BTBD3: variants seen among roughly 807,000 people sequenced by gnomAD.
BTBD3 encodes the protein BTB domain containing 3.
In BTBD3, 14 loss-of-function variants were observed where a neutral mutation model predicts 41.6. That is an observed-to-expected ratio of 0.34 (90% CI 0.22 to 0.53). The LOEUF (loss-of-function observed/expected upper bound fraction) is 0.53, where lower values mean the gene tolerates loss of function less well. Ranked by LOEUF, BTBD3 falls within the 20% of genes least tolerant of loss-of-function variation. BTBD3 has a pLI of 0.95. For missense variants in BTBD3, 426 were observed against 654.7 expected, an observed-to-expected ratio of 0.65 and a Z score of 3.81; for synonymous variants, 249 against 233.7, an observed-to-expected ratio of 1.07 and a Z score of -0.60.
rs1254120661 is a variant in BTBD3, at chr20:11,918,128, G to T, written c.-148G>T. On this transcript the variant is annotated 5_prime_UTR_variant, in exon 1 of 4. Coordinates refer to ENST00000378226, the MANE Select transcript of BTBD3 (RefSeq NM_014962.4). ...TTAAAGCCAGTTTCTATTCAACATA[G>T]TGAAAAGGTCACCTTGCCTGGCTGA... 5.4e-6 allele frequency: 8 copies of T among 1,477,716 alleles called. No individual in the cohort carries two copies. The highest frequency in any genetic ancestry group is 2.5e-4 in the Middle Eastern group (1 of 3,974). The allele number at this position is 1,477,716 out of a possible 1,614,324, so 91.5% of individuals were successfully genotyped here. A position where few individuals can be genotyped will look rare whatever the true frequency, so the allele number is the denominator to read the frequency against.
In BTBD3 at chr20:11,918,113, T is replaced by G. The variant is rs963348793; in HGVS notation, c.-163T>G. 68 of 1,458,540 alleles carry G rather than the reference T, an allele frequency of 4.7e-5. No individual in the cohort carries two copies. The African/African-American group carries it at 7.9e-4, about 17-fold the overall frequency. 90.3% of individuals were successfully genotyped at this position (1,458,540 alleles called of 1,614,324 possible). On this transcript the variant is annotated 5_prime_UTR_variant, in exon 1 of 4. Transcript: ENST00000378226. ...AGTACTGGATAAAACTTAAAGCCAG[T>G]TTCTATTCAACATAGTGAAAAGGTC...
At chr20:11,904,023 A>G (rs1017552591) in intron 1 of BTBD3, among the ~76,000 whole-genome samples, 10 of 152,178 alleles carry the variant, frequency 6.6e-5, no homozygotes, top group African/African-American at 2.4e-4. Context: ...TTTCTAGGAG[A>G]ATGAAAGGGA....
chr20:11,898,250 A>G (rs571954347), intron 1 of BTBD3, among the ~76,000 whole-genome samples: 10 of 152,140 alleles, frequency 6.6e-5, no homozygotes, highest in Non-Finnish European at 1.2e-4. Flanking sequence ...CCCACTCGGC[A>G]CTTTCCATTC....
At chr20:11,890,832 T>TGCGGGTGCCC in exon 1 of BTBD3, 2 of 984,852 alleles carry the variant, frequency 2.0e-6, no homozygotes, top group Non-Finnish European at 2.4e-6. Flanking sequence ...GTGCCCTGCG[T>TGCGGGTGCCC]GCGGGTGCCC....
chr20:11,918,468 G>C lies in BTBD3; in HGVS notation c.193G>C (p.Asp65His). 1 of 1,614,158 alleles carries C rather than the reference G, an allele frequency of 6.2e-7. No individual in the cohort carries two copies. The highest frequency in any genetic ancestry group is 2.2e-5 in the East Asian group (1 of 44,882). The change falls in exon 1 of 4, where the codon GAT becomes CAT. Residue 65 changes from aspartate (D) to histidine (H), a missense_variant. This residue lies in a region of BTBD3 where 52 missense variants were observed against 45.1 expected (regional missense o/e 1.15). Coordinates refer to ENST00000378226, the MANE Select transcript of BTBD3 (RefSeq NM_014962.4). ...GACTAAAAAGAAGAAGATGGCTGCTGATATATTCCCCCGTAAAAAGCCAGC... is the reference window on the plus strand; with the variant it reads ...GACTAAAAAGAAGAAGATGGCTGCTCATATATTCCCCCGTAAAAAGCCAGC... Reference protein sequence around the residue: ...LKTKKKKMAADIFPRKKPANS... With the variant: ...LKTKKKKMAAHIFPRKKPANS...
intron 1 of BTBD3, among the ~76,000 whole-genome samples, chr20:11,905,937 A>G (rs2056850755): frequency 6.6e-6 from 1 of 152,176 alleles, no homozygotes; most frequent in Non-Finnish European, 1.5e-5. Context: ...AAAAGGCTTC[A>G]TACTTTTAAG....
rs143306736 is a variant in BTBD3, at chr20:11,925,255, G to C, written c.*1589G>C. 860 of 152,840 alleles carry C rather than the reference G, an allele frequency of 5.6e-3. 2 individuals carry two copies. Among genetic ancestry groups the C allele is most frequent in the Non-Finnish European group, 8.4e-3 (573 of 68,100 alleles). The allele number at this position is 152,840 out of a possible 1,614,324, so 9.5% of individuals were successfully genotyped here. On this transcript the variant is annotated 3_prime_UTR_variant, in exon 4 of 4. Transcript: ENST00000378226. Reference sequence around the variant, plus strand: ...AAGTGTGTTTGCCAGCTCAGGAGCTGTCTCCTCTCTACCTGGCTAGTAAGA... The same window carrying C: ...AAGTGTGTTTGCCAGCTCAGGAGCTCTCTCCTCTCTACCTGGCTAGTAAGA...
intron 1 of BTBD3, among the ~76,000 whole-genome samples, chr20:11,901,065 A>G (rs1169337044): frequency 1.3e-5 from 2 of 152,160 alleles, no homozygotes; most frequent in Non-Finnish European, 2.9e-5. Flanking sequence ...ATTCCTAGAA[A>G]ACCTGGAAAT....
At chr20:11,891,884 T>G (rs1379133824) in intron 1 of BTBD3, among the ~76,000 whole-genome samples, 1 of 152,078 alleles carries the variant, frequency 6.6e-6, no homozygotes, top group African/African-American at 2.4e-5. Flanking sequence ...TGTAATACAG[T>G]TTCCCCAAAC....
intron 1 of BTBD3, among the ~76,000 whole-genome samples, chr20:11,899,797 G>A (rs1471780701): frequency 6.6e-6 from 1 of 152,004 alleles, no homozygotes; most frequent in African/African-American, 2.4e-5. Flanking sequence ...GATTTTTACT[G>A]TTGCAATTTA....
chr20:11,921,499 TC>T (rs1445882344), intron 3 of BTBD3: 1 of 152,138 alleles, frequency 6.6e-6, no homozygotes, highest in Non-Finnish European at 1.5e-5. Context: ...CCTTGACAGT[TC>T]CAGGGTAAGA....
intron 1 of BTBD3, 58 bp from the exon 2 acceptor site, chr20:11,919,028 G>A: frequency 7.7e-7 from 1 of 1,300,144 alleles, no homozygotes; most frequent in South Asian, 1.3e-5. Flanking sequence ...TGTATGTTGG[G>A]GAAGGGGATG....
intron 1 of BTBD3, among the ~76,000 whole-genome samples, chr20:11,894,509 G>GT (rs571712640): frequency 7.1e-4 from 107 of 151,508 alleles, no homozygotes; most frequent in African/African-American, 2.4e-3. Context: ...TTGATCATCT[G>GT]TTTTTTTTCT....
chr20:11,895,697 A>G (rs573652012), intron 1 of BTBD3, among the ~76,000 whole-genome samples: 6 of 152,310 alleles, frequency 3.9e-5, no homozygotes, highest in African/African-American at 1.4e-4. Context: ...GCTAGGTTCT[A>G]GGATTGTCTG....
chr20:11,922,819 C>G lies in BTBD3; in HGVS notation c.722C>G (p.Thr241Ser), dbSNP rs2056982579. 1 of 1,614,212 alleles carries G rather than the reference C, an allele frequency of 6.2e-7. No homozygotes were observed. Residue 241 changes from threonine (T) to serine (S), a missense_variant, in exon 4 of 4, where the codon ACC (threonine) becomes AGC (serine). By Grantham distance (58) the Thr-to-Ser change is moderately conservative. This residue lies in a region of BTBD3 where 321 missense variants were observed against 534.8 expected (regional missense o/e 0.60). Coordinates refer to ENST00000378226, the MANE Select transcript of BTBD3 (RefSeq NM_014962.4). ...TGCCTGTTCGAGGAGCCAGACCTGA[C>G]CCAGCGTTGCTGGGAGGTGATTGAT... ...QSCLFEEPDL[T>S]QRCWEVIDAQ...
At chr20:11,902,809 G>A (rs2056831657) in intron 1 of BTBD3, among the ~76,000 whole-genome samples, 1 of 152,022 alleles carries the variant, frequency 6.6e-6, no homozygotes, top group African/African-American at 2.4e-5. Flanking sequence ...CATAAATTTT[G>A]GTAACTCTCA....
At chr20:11,908,634 T>A (rs1173762143) in intron 1 of BTBD3, among the ~76,000 whole-genome samples, 1 of 152,052 alleles carries the variant, frequency 6.6e-6, no homozygotes, top group Non-Finnish European at 1.5e-5. Flanking sequence ...ATTAAAAAAA[T>A]AATTATTTTT....
At chr20:11,920,146 T>C (rs1240996043) in intron 3 of BTBD3, among the ~76,000 whole-genome samples, 3 of 152,344 alleles carry the variant, frequency 2.0e-5, no homozygotes, top group Non-Finnish European at 2.9e-5. Context: ...TAATAGAAGA[T>C]GTTCTCTCTG....
At chr20:11,907,193 C>CTAA (rs200863547) in intron 1 of BTBD3, among the ~76,000 whole-genome samples, 2,010 of 152,302 alleles carry the variant, frequency 0.013, 23 homozygotes, top group Middle Eastern at 0.054. Context: ...AAGCCTTACT[C>CTAA]TAAGCATGTA....
Sources: gnomAD v4.1 joint callset for allele counts (sites outside exome capture counted in the v4.1 genomes callset) on GRCh38, gnomAD v4.1.1 for gene constraint, gnomAD v4.1.1 regional missense constraint, MANE v1.5 for transcripts, NCBI Gene and HGNC (gene_info 2026-07-23, HGNC 2026-07-21) for gene names.